The following ACAP2 variants were observed in gnomAD, a reference collection of about 807,000 sequenced individuals.
ACAP2 encodes the protein ArfGAP with coiled-coil, ankyrin repeat and PH domains 2, also known as arf-GAP with coiled-coil, ANK repeat and PH domain-containing protein 2.
In ACAP2, 39 loss-of-function variants were observed where a neutral mutation model predicts 115.8. The ratio of observed to expected loss-of-function variants is 0.34; its 90% CI spans 0.26 to 0.44. The LOEUF (loss-of-function observed/expected upper bound fraction) is 0.44. Ranked by LOEUF, ACAP2 falls within the 20% of genes least tolerant of loss-of-function variation. The probability of loss-of-function intolerance (pLI) is 1.00; values close to 1 mark genes in which losing one functional copy is unlikely to be tolerated. For missense variants in ACAP2, 662 were observed against 927.6 expected (o/e 0.71, Z 3.72); for synonymous variants, 289 against 315.8 (o/e 0.92, Z 0.90).
rs1476807408 is a variant in ACAP2, at chr3:195,276,561, CAG to C, written c.*2765_*2766del. 6.6e-6 allele frequency: 1 copy of C among 151,934 alleles called. No individual in the cohort carries two copies. The highest frequency in any genetic ancestry group is 1.5e-5 in the Non-Finnish European group (1 of 67,988). The allele number at this position is 151,934 out of a possible 1,614,324, so 9.4% of individuals were successfully genotyped here. A position where few individuals can be genotyped will look rare whatever the true frequency, so the allele number is the denominator to read the frequency against. On this transcript the variant is annotated 3_prime_UTR_variant, in exon 23 of 23. Transcript: ENST00000326793. ...TAGTAAGCTAATGATAATGAGCTAA[CAG>C]ATTAATAATAAGGAATAAGAAACTA...
intron 8 of ACAP2, among the ~76,000 whole-genome samples, chr3:195,331,237 AAC>A (rs143740370): frequency 1.1e-4 from 17 of 150,492 alleles, no homozygotes; most frequent in South Asian, 2.1e-4. Flanking sequence ...CCCCCGTCTC[AAC>A]ACACACACAC....
intron 1 of ACAP2, among the ~76,000 whole-genome samples, chr3:195,431,604 ATT>A (rs113830959): frequency 4.3e-5 from 6 of 138,418 alleles, no homozygotes; most frequent in Admixed American, 1.5e-4. Context: ...TGCCCGACTA[ATT>A]TTTTTTTTTT....
intron 8 of ACAP2, among the ~76,000 whole-genome samples, chr3:195,331,166 A>G (rs6437471): frequency 0.24 from 36,377 of 152,060 alleles, 5,099 homozygotes; most frequent in East Asian, 0.71. Context: ...CAAGAGACTA[A>G]GTTCTGTAGA....
At chr3:195,381,713 C>A (rs927571754) in intron 3 of ACAP2, among the ~76,000 whole-genome samples, 190 bp downstream of exon 3, 2 of 152,004 alleles carry the variant, frequency 1.3e-5, no homozygotes, top group African/African-American at 2.4e-5. Flanking sequence ...CTAGATAATG[C>A]GCAATGCAAA....
Position 195,301,648 on chromosome 3 carries a change from A to G in ACAP2, c.1326-4T>C, listed in dbSNP as rs750516047. On this transcript the variant is annotated splice_region_variant and splice_polypyrimidine_tract_variant and intron_variant, in intron 14 of 22. Coordinates refer to ENST00000326793, the MANE Select transcript of ACAP2 (RefSeq NM_012287.6). ...TGAAAAATGAACCCCAAGGCTCCTA[A>G]GTGGAAAAAAGAAGACTGCATTACT... The G allele has an allele frequency of 6.2e-7, 1 of 1,611,514 alleles. No individual in the cohort carries two copies.
intron 20 of ACAP2, among the ~76,000 whole-genome samples, chr3:195,289,484 GT>G (rs77245876): frequency 0.022 from 3,280 of 152,126 alleles, 116 homozygotes; most frequent in East Asian, 0.1. Context: ...GGATATATAA[GT>G]TGTGGTCCCT....
Position 195,381,101 on chromosome 3 carries a change from G to A in ACAP2, c.232-39C>T, listed in dbSNP as rs147941987. The stretch of plus-strand genomic sequence containing the variant: ...AGCAAAAGAAAACCAAATCATTTAT[G>A]AGCCACTTAAATAGGTCACAAAAAT... On this transcript the variant is annotated intron_variant, in intron 3 of 22. Coordinates refer to ENST00000326793, the MANE Select transcript of ACAP2 (RefSeq NM_012287.6). The A allele has an allele frequency of 1.6e-5, 25 of 1,537,336 alleles. No individual in the cohort carries two copies. In the African/African-American group the frequency reaches 2.8e-4, roughly 17 times the overall value.
intron 4 of ACAP2, among the ~76,000 whole-genome samples, chr3:195,367,836 T>G (rs1051561110): frequency 6.6e-6 from 1 of 152,108 alleles, no homozygotes; most frequent in Non-Finnish European, 1.5e-5. Context: ...TTCCAGCCAC[T>G]CCAGCTAAGG....
chr3:195,440,277 AACCATTG>A (rs1207400605), intron 1 of ACAP2, among the ~76,000 whole-genome samples: 1 of 152,248 alleles, frequency 6.6e-6, no homozygotes, highest in Non-Finnish European at 1.5e-5. Context: ...ATGTAAAAGT[AACCATTG>A]ACTATTCAAA....
chr3:195,394,565 C>T (rs542723666), intron 1 of ACAP2, among the ~76,000 whole-genome samples: 1 of 152,188 alleles, frequency 6.6e-6, no homozygotes, highest in South Asian at 2.1e-4. Context: ...CCTGTAATCC[C>T]AGCACTTCGG....
chr3:195,328,810 C>T (rs4677826), intron 8 of ACAP2, among the ~76,000 whole-genome samples: 36 of 152,132 alleles, frequency 2.4e-4, no homozygotes, highest in South Asian at 6.2e-4. Flanking sequence ...CTGGGCGTGG[C>T]GGCTCACGCC....
intron 1 of ACAP2, among the ~76,000 whole-genome samples, chr3:195,416,739 T>G (rs146907715): frequency 1.3e-5 from 2 of 152,116 alleles, no homozygotes; most frequent in African/African-American, 4.8e-5. Flanking sequence ...CACAAAAACT[T>G]TGAAAATAAA....
intron 4 of ACAP2, chr3:195,357,541 G>C (rs554020350): frequency 6.6e-6 from 1 of 152,362 alleles, no homozygotes; most frequent in East Asian, 1.9e-4. Context: ...GTGCTTTGCT[G>C]GCTTCAGATC....
At chr3:195,291,949 C>T (rs1727286073) in intron 19 of ACAP2, 134 bp from the exon 20 acceptor site, 2 of 709,328 alleles carry the variant, frequency 2.8e-6, no homozygotes, top group Non-Finnish European at 4.4e-6. Context: ...CAAAAAATAT[C>T]CCTCAGCCAA....
chr3:195,319,670 C>T (rs1729321623), intron 10 of ACAP2, among the ~76,000 whole-genome samples: 1 of 152,196 alleles, frequency 6.6e-6, no homozygotes. Context: ...AACATTTACC[C>T]AATGCCTGTA....
chr3:195,290,606 T>G (rs944056516), intron 20 of ACAP2, among the ~76,000 whole-genome samples: 4 of 150,798 alleles, frequency 2.7e-5, no homozygotes, highest in African/African-American at 7.3e-5. Context: ...AGGTCAGGAG[T>G]TCAAGACCAG....
chr3:195,345,239 C>A lies in ACAP2; in HGVS notation c.344+20G>T. 1 of 1,586,096 alleles carries A rather than the reference C, an allele frequency of 6.3e-7. No individual in the cohort carries two copies. The highest frequency in any genetic ancestry group is 8.7e-7 in the Non-Finnish European group (1 of 1,155,792). On this transcript the variant is annotated intron_variant, in intron 5 of 22. Transcript: ENST00000326793. ...CATTAACTAGTTAATTTTCTTTCCT[C>A]TTCACCGCAATTGACTTACTCTTTA...
chr3:195,335,892 C>CTTTTTTT (rs869135331), intron 7 of ACAP2: 9 of 90,122 alleles, frequency 1.0e-4, no homozygotes, highest in Admixed American at 1.4e-4. Flanking sequence ...ACTTCGTTGG[C>CTTTTTTT]TTTTTTTTTT....
At chr3:195,361,205 C>G (rs947789715) in intron 4 of ACAP2, among the ~76,000 whole-genome samples, 3 of 152,056 alleles carry the variant, frequency 2.0e-5, no homozygotes, top group African/African-American at 7.2e-5. Context: ...AAGGCCAAGA[C>G]AGGCAGATCA....
Sources: gnomAD v4.1 joint callset for allele counts (sites outside exome capture counted in the v4.1 genomes callset) on GRCh38, gnomAD v4.1.1 for gene constraint, MANE v1.5 for transcripts, NCBI Gene and HGNC (gene_info 2026-07-23, HGNC 2026-07-21) for gene names.